Variants in SH3GLB2 observed in about 807,000 individuals in gnomAD.
The protein encoded by SH3GLB2 is endophilin-B2.
SH3GLB2 carries 24 observed loss-of-function variants against 48.0 expected under a neutral mutation model. The ratio of observed to expected loss-of-function variants is 0.50; its 90% CI spans 0.36 to 0.70. The LOEUF (loss-of-function observed/expected upper bound fraction) is 0.70. Ranked by LOEUF, SH3GLB2 falls within the 30% of genes least tolerant of loss-of-function variation. The probability of loss-of-function intolerance (pLI) is 0.00; values close to 1 mark genes in which losing one functional copy is unlikely to be tolerated. For missense variants in SH3GLB2, 425 were observed against 516.0 expected (o/e 0.82, Z 1.71); for synonymous variants, 227 against 207.6 (o/e 1.09, Z -0.80).
At chr9:129,019,476 C>T (rs1564582792) in intron 3 of SH3GLB2, among the ~76,000 whole-genome samples, 1 of 151,814 alleles carries the variant, frequency 6.6e-6, no homozygotes, top group Non-Finnish European at 1.5e-5. Context: ...GAGGCTGAGG[C>T]GGGTGGATCA....
chr9:129,018,757 G>A (rs984596947), intron 3 of SH3GLB2, among the ~76,000 whole-genome samples: 3 of 151,240 alleles, frequency 2.0e-5, no homozygotes, highest in East Asian at 1.9e-4. Context: ...GCCGAGCGTG[G>A]TGGCAGGCGC....
At chr9:129,019,663 T>C (rs1843658038) in intron 3 of SH3GLB2, among the ~76,000 whole-genome samples, 3 of 142,958 alleles carry the variant, frequency 2.1e-5, no homozygotes, top group East Asian at 4.0e-4. Context: ...GAGCTGAGAT[T>C]GCGCCACCGC....
rs1843064460 is a variant in SH3GLB2, at chr9:129,010,676, C to T, written c.642G>A (p.Val214=). 1 of 1,614,008 alleles carries T rather than the reference C, an allele frequency of 6.2e-7. No homozygotes were observed. The highest frequency in any genetic ancestry group is 8.5e-7 in the Non-Finnish European group (1 of 1,179,976). ...CCCCCAGGCCCCAACTTACCTTGTC[C>T]ACTTCATCATTCCAGAGCTGTGGAG... is the stretch of plus-strand genomic sequence containing the variant. The part of the protein sequence containing the change: ...ASASALWNDE[V]DKAEQELRVA... The change falls in exon 7 of 11, where the codon GTG becomes GTA. Residue 214 remains valine, a synonymous_variant. Transcript: ENST00000372564.
At chr9:129,017,728 C>A (rs1843517098) in intron 3 of SH3GLB2, among the ~76,000 whole-genome samples, 1 of 151,228 alleles carries the variant, frequency 6.6e-6, no homozygotes, top group Admixed American at 6.6e-5. Context: ...GAAATCCCGT[C>A]TCCACTGAAA....
At chr9:129,010,620 A>AC (rs761121127) in intron 7 of SH3GLB2, 50 bp downstream of exon 7, 1 of 1,605,046 alleles carries the variant, frequency 6.2e-7, no homozygotes, top group South Asian at 1.1e-5. Flanking sequence ...GTGTGCCTGC[A>AC]CCCCGCCACC....
At position 129,021,173 on chromosome 9, in the gene SH3GLB2, G is replaced by A. The variant is rs764478636; in HGVS notation, c.252C>T (p.Val84=). 1.2e-6 allele frequency: 2 copies of A among 1,611,872 alleles called. No individual in the cohort carries two copies. The highest frequency in any genetic ancestry group is 4.5e-5 in the East Asian group (2 of 44,830). Residue 84 remains valine, a synonymous_variant, in exon 3 of 11, where the codon GTC becomes GTT. Coordinates refer to ENST00000372564, the MANE Select transcript of SH3GLB2 (RefSeq NM_020145.4). ...GCTCCCCGTTGGTGACCCTTGAGGG[G>A]ACCTTCCTGTCCAGCTTCTCATACA... ...EFLYEKLDRK[V]PSRVTNGELL... is the part of the protein sequence containing the mutation.
intron 1 of SH3GLB2, among the ~76,000 whole-genome samples, chr9:129,025,243 G>A (rs1234563041): frequency 1.5e-5 from 2 of 135,372 alleles, no homozygotes; most frequent in African/African-American, 2.8e-5. Flanking sequence ...GCCAGCCTGC[G>A]TGACAGAGTG....
intron 6 of SH3GLB2, 168 bp downstream of exon 6, chr9:129,012,068 G>A (rs1843156149): frequency 2.4e-6 from 1 of 416,402 alleles, no homozygotes. Context: ...GCCGTGGACA[G>A]AGGTGGGGGC....
intron 3 of SH3GLB2, among the ~76,000 whole-genome samples, chr9:129,017,969 C>G (rs1843540099): frequency 1.3e-5 from 2 of 149,592 alleles, no homozygotes; most frequent in African/African-American, 4.9e-5. Context: ...CCTGTAATCT[C>G]AGCTACTCAG....
rs897367804 is a variant in SH3GLB2 at position 129,009,362 on chromosome 9, A to C, written c.840-16T>G. 1.9e-6 allele frequency: 3 copies of C among 1,550,724 alleles called. No individual in the cohort carries two copies. The highest frequency in any genetic ancestry group is 2.6e-6 in the Non-Finnish European group (3 of 1,146,600). On this transcript the variant is annotated splice_polypyrimidine_tract_variant and intron_variant, in intron 9 of 10. Coordinates refer to ENST00000372564, the MANE Select transcript of SH3GLB2 (RefSeq NM_020145.4). ...GCCGGGAAATCTGGAGAGGAGGGAT[A>C]CATCTTAGCAGGTGGGAGTCCCAGA...
intron 7 of SH3GLB2, 125 bp downstream of exon 7, chr9:129,010,545 A>G: frequency 3.6e-6 from 4 of 1,106,014 alleles, no homozygotes; most frequent in Non-Finnish European, 5.4e-6. Context: ...AGGGAGGGAA[A>G]GCAGTAACCC....
chr9:129,021,249 G>T, intron 2 of SH3GLB2, 30 bp from the exon 3 acceptor site: 1 of 1,583,464 alleles, frequency 6.3e-7, no homozygotes, highest in African/African-American at 1.4e-5. Context: ...AAAGCCACAG[G>T]GCTCCTTAGT....
chr9:129,010,843 G>A (rs951086700), intron 6 of SH3GLB2, 150 bp from the exon 7 acceptor site: 14 of 949,898 alleles, frequency 1.5e-5, no homozygotes, highest in Admixed American at 7.6e-5. Flanking sequence ...AGACTGGGCC[G>A]AGGCCCGGCA....
Position 129,021,297 on chromosome 9 carries a change from G to A in SH3GLB2, c.206-78C>T, listed in dbSNP as rs893171252. ...ATGAAACAGAAACAGACCCAGACCCGGCCCTGCCCACAGGTGCACCTGGCC... is the reference window on the plus strand; with the variant it reads ...ATGAAACAGAAACAGACCCAGACCCAGCCCTGCCCACAGGTGCACCTGGCC... On this transcript the variant is annotated intron_variant, in intron 2 of 10. Coordinates refer to ENST00000372564, the MANE Select transcript of SH3GLB2 (RefSeq NM_020145.4). 1.2e-5 allele frequency: 17 copies of A among 1,469,050 alleles called. 1 individual carries two copies. Among genetic ancestry groups the A allele is most frequent in the Admixed American group, 4.9e-5 (2 of 41,092 alleles). The allele number at this position is 1,469,050 out of a possible 1,614,324, so 91.0% of individuals were successfully genotyped here.
At chr9:129,022,069 CTCAG>C (rs1347857549) in intron 2 of SH3GLB2, among the ~76,000 whole-genome samples, 3 of 151,954 alleles carry the variant, frequency 2.0e-5, no homozygotes, top group African/African-American at 7.3e-5. Flanking sequence ...CTGTGCAAAA[CTCAG>C]TGTTTCCACT....
chr9:129,014,559 G>A lies in SH3GLB2; in HGVS notation c.469-56C>T. On this transcript the variant is annotated intron_variant, in intron 4 of 10. Transcript: ENST00000372564. This position sits in a 1 kb window ranked among gnomAD's most constrained non-coding sequence, Gnocchi z 4.1. ...CCTGGGCTGCCCTGGGAGACCCTGA[G>A]CCATGCATGGCAAGATTGGTGCCGG... The A allele has an allele frequency of 1.3e-6, 2 of 1,523,466 alleles. No individual in the cohort carries two copies. Among genetic ancestry groups the A allele is most frequent in the East Asian group, 2.5e-5 (1 of 40,738 alleles). 94.4% of individuals were successfully genotyped at this position (1,523,466 alleles called of 1,614,324 possible). A position where few individuals can be genotyped will look rare whatever the true frequency, so the allele number is the denominator to read the frequency against.
chr9:129,021,509 G>C (rs1289724070), intron 2 of SH3GLB2, among the ~76,000 whole-genome samples: 1 of 151,986 alleles, frequency 6.6e-6, no homozygotes, highest in African/African-American at 2.4e-5. Flanking sequence ...CCCTCAATGA[G>C]CCACAGAGCA....
At chr9:129,024,178 T>C (rs1412026332) in intron 1 of SH3GLB2, among the ~76,000 whole-genome samples, 1 of 150,636 alleles carries the variant, frequency 6.6e-6, no homozygotes, top group Non-Finnish European at 1.5e-5. Context: ...TCCCAGCACT[T>C]TGGAAGGCCG....
At chr9:129,015,736 A>C (rs1297589168) in intron 3 of SH3GLB2, 1 of 201,186 alleles carries the variant, frequency 5.0e-6, no homozygotes, top group Non-Finnish European at 1.1e-5. Context: ...GCGCTGGCTC[A>C]CACCTGTAAT....
Sources: gnomAD v4.1 joint callset for allele counts (sites outside exome capture counted in the v4.1 genomes callset) on GRCh38, gnomAD v4.1.1 for gene constraint, Gnocchi (gnomAD v3.1) non-coding constraint, MANE v1.5 for transcripts, NCBI Gene and HGNC (gene_info 2026-07-23, HGNC 2026-07-21) for gene names.